The following CPQ variants were observed in gnomAD, a reference collection of about 807,000 sequenced individuals.
CPQ encodes Ser-Met dipeptidase.
A neutral mutation model predicts 45.7 loss-of-function variants in CPQ; 37 were observed. The ratio of observed to expected loss-of-function variants is 0.81; its 90% CI spans 0.62 to 1.07. The LOEUF (loss-of-function observed/expected upper bound fraction) is 1.07, where lower values mean the gene tolerates loss of function less well. Among genes scored for constraint, CPQ ranks in the 50% least tolerant of loss-of-function variants. CPQ has a pLI of 0.00. For missense variants in CPQ, 537 were observed against 572.9 expected, an observed-to-expected ratio of 0.94 and a Z score of 0.64; for synonymous variants, 186 against 205.8, an observed-to-expected ratio of 0.90 and a Z score of 0.82.
At chr8:96,970,884 T>C (rs1307494494) in intron 5 of CPQ, among the ~76,000 whole-genome samples, 2 of 152,134 alleles carry the variant, frequency 1.3e-5, no homozygotes, top group Admixed American at 6.5e-5. Flanking sequence ...CTTTATAATA[T>C]TGTTTTAATG....
chr8:97,099,115 C>CTCTTTTT (rs1554589610), intron 7 of CPQ, among the ~76,000 whole-genome samples: 4 of 66,316 alleles, frequency 6.0e-5, no homozygotes, highest in Non-Finnish European at 7.8e-5. Flanking sequence ...CCTTCTCTCT[C>CTCTTTTT]TTTTTTTTTT....
chr8:97,078,496 AC>A (rs1195291022), intron 7 of CPQ, among the ~76,000 whole-genome samples: 4 of 152,036 alleles, frequency 2.6e-5, no homozygotes, highest in African/African-American at 9.7e-5. Context: ...ATTGCACTTT[AC>A]CTCACTGATG....
chr8:96,929,041 A>G (rs766782330), intron 4 of CPQ, among the ~76,000 whole-genome samples: 19 of 152,178 alleles, frequency 1.2e-4, no homozygotes, highest in Non-Finnish European at 2.6e-4. Flanking sequence ...GCCAACGTCT[A>G]TTTTGCACAT....
chr8:96,961,830 T>A (rs1813465466), intron 4 of CPQ, among the ~76,000 whole-genome samples: 1 of 152,332 alleles, frequency 6.6e-6, no homozygotes, highest in South Asian at 2.1e-4. Flanking sequence ...TTCTTCAGTA[T>A]CTTGCATTAG....
At chr8:96,700,602 C>A (rs1457218442) in intron 1 of CPQ, among the ~76,000 whole-genome samples, 1 of 152,126 alleles carries the variant, frequency 6.6e-6, no homozygotes, top group Non-Finnish European at 1.5e-5. Context: ...GTAAAGACCA[C>A]CAGCATCAGA....
intron 4 of CPQ, among the ~76,000 whole-genome samples, chr8:96,953,357 C>T (rs1430499674): frequency 6.6e-6 from 1 of 152,036 alleles, no homozygotes. Flanking sequence ...GAGTACTGTT[C>T]CCTTGTGGGA....
intron 4 of CPQ, among the ~76,000 whole-genome samples, chr8:96,919,094 A>G (rs1812772034): frequency 6.6e-6 from 1 of 151,420 alleles, no homozygotes; most frequent in Admixed American, 6.6e-5. Context: ...TGACATCTTC[A>G]TTTTGTGTGG....
intron 2 of CPQ, among the ~76,000 whole-genome samples, chr8:96,833,589 T>G (rs139370291): frequency 9.3e-4 from 142 of 152,312 alleles, no homozygotes; most frequent in African/African-American, 3.3e-3. Context: ...GTTTCAGAAA[T>G]GTATGAATCT....
intron 7 of CPQ, among the ~76,000 whole-genome samples, chr8:97,142,095 T>A (rs1187752116): frequency 1.3e-5 from 2 of 152,188 alleles, no homozygotes; most frequent in Admixed American, 6.5e-5. Flanking sequence ...GGTGATATCA[T>A]TCTTGCATTA....
chr8:96,663,212 A>G (rs1586349416), intron 1 of CPQ, among the ~76,000 whole-genome samples: 1 of 152,204 alleles, frequency 6.6e-6, no homozygotes, highest in East Asian at 1.9e-4. Context: ...AAACATCTTC[A>G]GAAGTGGAGC....
At chr8:96,833,340 T>G (rs1267883920) in intron 2 of CPQ, among the ~76,000 whole-genome samples, 2 of 152,130 alleles carry the variant, frequency 1.3e-5, no homozygotes, top group Non-Finnish European at 2.9e-5. Flanking sequence ...AATGGAAGCA[T>G]AGACCATAAT....
At chr8:96,867,754 A>C (rs929029658) in intron 3 of CPQ, among the ~76,000 whole-genome samples, 2 of 151,972 alleles carry the variant, frequency 1.3e-5, no homozygotes, top group African/African-American at 4.8e-5. Flanking sequence ...TTCTTGTGGC[A>C]TTAAATATTC....
At chr8:96,716,264 G>T (rs772368410) in intron 1 of CPQ, among the ~76,000 whole-genome samples, 2 of 151,966 alleles carry the variant, frequency 1.3e-5, no homozygotes, top group South Asian at 2.1e-4. Flanking sequence ...GGTAGCAGTG[G>T]ATTTTTTGTT....
intron 3 of CPQ, among the ~76,000 whole-genome samples, chr8:96,838,562 G>C (rs1210242922): frequency 6.6e-6 from 1 of 152,062 alleles, no homozygotes; most frequent in African/African-American, 2.4e-5. Flanking sequence ...TTTATGTCCA[G>C]GGTGAAAGGA....
At chr8:96,851,753 C>G (rs1482391411) in intron 3 of CPQ, among the ~76,000 whole-genome samples, 3 of 152,166 alleles carry the variant, frequency 2.0e-5, no homozygotes, top group African/African-American at 7.2e-5. Context: ...GGGAAAACTG[C>G]AAACAAATGT....
At chr8:96,871,136 C>G (rs952576320) in intron 3 of CPQ, among the ~76,000 whole-genome samples, 1 of 151,882 alleles carries the variant, frequency 6.6e-6, no homozygotes, top group African/African-American at 2.4e-5. Context: ...TAGTTCTGTC[C>G]CCTTCTGTAT....
At chr8:96,880,767 G>A (rs1253634552) in intron 4 of CPQ, among the ~76,000 whole-genome samples, 2 of 151,564 alleles carry the variant, frequency 1.3e-5, no homozygotes, top group African/African-American at 2.4e-5. Flanking sequence ...GGCAATGGGG[G>A]CTCCAAAATC....
chr8:97,000,652 T>A (rs185396901), intron 5 of CPQ, among the ~76,000 whole-genome samples: 479 of 152,266 alleles, frequency 3.1e-3, no homozygotes, highest in African/African-American at 0.011. Context: ...GCCTGTAGCA[T>A]AGTTTGAAGT....
At chr8:97,069,386 T>TG (rs1223048326) in intron 7 of CPQ, among the ~76,000 whole-genome samples, 2 of 151,670 alleles carry the variant, frequency 1.3e-5, no homozygotes, top group Non-Finnish European at 2.9e-5. Flanking sequence ...CCCAGCACTT[T>TG]GGGAGGCTGC....
Sources: gnomAD v4.1 joint callset for allele counts (sites outside exome capture counted in the v4.1 genomes callset) on GRCh38, gnomAD v4.1.1 for gene constraint, MANE v1.5 for transcripts, NCBI Gene and HGNC (gene_info 2026-07-23, HGNC 2026-07-21) for gene names.